The following SERPINA3 variants were observed in gnomAD, a reference collection of about 807,000 sequenced individuals.
SERPINA3 encodes alpha-1-antichymotrypsin.
A neutral mutation model predicts 26.8 loss-of-function variants in SERPINA3; 32 were observed. The observed-to-expected ratio is 1.20, with a 90% CI of 0.90 to 1.61. The LOEUF (loss-of-function observed/expected upper bound fraction) is 1.61. SERPINA3 is among the 40% of genes most tolerant of loss of function. The pLI is 0.00. For missense variants in SERPINA3, 632 were observed against 517.9 expected (o/e 1.22, Z -2.14); for synonymous variants, 252 against 206.4 (o/e 1.22, Z -1.89).
chr14:94,618,823 A>G, intron 2 of SERPINA3: 1 of 374,540 alleles, frequency 2.7e-6, no homozygotes, highest in South Asian at 2.4e-5. Flanking sequence ...ATTGCTAATG[A>G]GACATTTTTC....
chr14:94,620,038 T>C (rs1011637208), intron 3 of SERPINA3: 5 of 250,404 alleles, frequency 2.0e-5, no homozygotes, highest in East Asian at 7.3e-5. Context: ...ATAAGTTACG[T>C]GATATATTAG....
chr14:94,617,380 G>A (rs185178229), intron 2 of SERPINA3, among the ~76,000 whole-genome samples: 24 of 152,260 alleles, frequency 1.6e-4, no homozygotes, highest in African/African-American at 4.3e-4. Flanking sequence ...GCCCAAAGGT[G>A]GGGAAGTGTC....
chr14:94,614,925 G>A lies in SERPINA3; in HGVS notation c.484G>A (p.Gly162Ser), dbSNP rs1432471646. ...CACGGAGGATGCCAAGAGGCTGTAT[G>A]GCTCCGAGGCCTTTGCCACTGACTT... ...RFTEDAKRLY[G>S]SEAFATDFQD... Residue 162 changes from glycine (G) to serine (S), a missense_variant, in exon 2 of 5, where the codon GGC becomes AGC. Transcript: ENST00000393078. 5 of 1,613,698 alleles carry A rather than the reference G, an allele frequency of 3.1e-6. No homozygotes were observed. Among genetic ancestry groups the A allele is most frequent in the Non-Finnish European group, 4.2e-6 (5 of 1,179,568 alleles).
At position 94,623,698 on chromosome 14, in the gene SERPINA3, T is replaced by C. The variant is rs1372095130; in HGVS notation, c.1156T>C (p.Leu386=). The change falls in exon 5 of 5, where the codon TTA becomes CTA. Residue 386 remains leucine (L), a synonymous_variant. Coordinates refer to ENST00000393078, the MANE Select transcript of SERPINA3 (RefSeq NM_001085.5). ...AGTCAAAATCACCCTCCTTTCTGCA[T>C]TAGTGGAGACAAGGACCATTGTGCG... ...TAVKITLLSA[L]VETRTIVRFN... 1 of 1,614,006 alleles carries C rather than the reference T, an allele frequency of 6.2e-7. No individual in the cohort carries two copies. Among genetic ancestry groups the C allele is most frequent in the Non-Finnish European group, 8.5e-7 (1 of 1,179,984 alleles).
In SERPINA3 at chr14:94,614,764, C is replaced by T. The variant is rs375245228; in HGVS notation, c.323C>T (p.Thr108Met). The T allele has an allele frequency of 2.5e-4, 404 of 1,614,074 alleles. No homozygotes were observed. The highest frequency in any genetic ancestry group is 3.2e-4 in the Non-Finnish European group (373 of 1,180,042). The change falls in exon 2 of 5, where the codon ACG (threonine) becomes ATG (methionine). Residue 108 changes from threonine to methionine, a missense_variant. By Grantham distance (81) the Thr-to-Met change is moderately conservative. Coordinates refer to ENST00000393078, the MANE Select transcript of SERPINA3 (RefSeq NM_001085.5). ...EILKGLKFNL[T>M]ETSEAEIHQS... ...CTCAAAGGCCTCAAGTTCAACCTCA[C>T]GGAGACTTCTGAGGCAGAAATTCAC... is the stretch of plus-strand genomic sequence containing the variant.
At position 94,623,842 on chromosome 14, in the gene SERPINA3, A is replaced by T. The variant is rs778993710; in HGVS notation, c.*28A>T. 1 of 1,602,074 alleles carries T rather than the reference A, an allele frequency of 6.2e-7. No individual in the cohort carries two copies. The highest frequency in any genetic ancestry group is 8.5e-7 in the Non-Finnish European group (1 of 1,169,874). ...CTTGCCATCAAGCAGTGGGGCTCTCAGTAAGGAACTTGGAATGCAAGCTGG... is the reference window on the plus strand; with the variant it reads ...CTTGCCATCAAGCAGTGGGGCTCTCTGTAAGGAACTTGGAATGCAAGCTGG... On this transcript the variant is annotated 3_prime_UTR_variant, in exon 5 of 5. Transcript: ENST00000393078.
intron 1 of SERPINA3, 197 bp from the exon 2 acceptor site, chr14:94,614,237 A>G (rs1885891160): frequency 4.9e-6 from 3 of 607,284 alleles, no homozygotes; most frequent in Admixed American, 2.9e-5. Context: ...GGCAACAATT[A>G]TGGTACCTAC....
chr14:94,622,722 C>A, intron 4 of SERPINA3: 1 of 587,876 alleles, frequency 1.7e-6, no homozygotes, highest in Non-Finnish European at 3.1e-6. Flanking sequence ...GGCTTGGAAT[C>A]AGAGAGCCAT....
intron 2 of SERPINA3, 133 bp downstream of exon 2, chr14:94,615,217 G>T: frequency 1.0e-6 from 1 of 993,200 alleles, no homozygotes; most frequent in Non-Finnish European, 1.6e-6. Context: ...TAAGCATCAA[G>T]GCCCCACCCT....
rs748483352 is a variant in SERPINA3, at chr14:94,623,658, A to G, written c.1116A>G (p.Ala372=). 15 of 1,614,060 alleles carry G rather than the reference A, an allele frequency of 9.3e-6. No homozygotes were observed. The highest frequency in any genetic ancestry group is 1.3e-5 in the Non-Finnish European group (15 of 1,180,030). Residue 372 remains alanine (A), a synonymous_variant, in exon 5 of 5, where the codon GCA becomes GCG. Coordinates refer to ENST00000393078, the MANE Select transcript of SERPINA3 (RefSeq NM_001085.5). ...ATGTATTTGAGGAGGGCACAGAAGC[A>G]TCTGCTGCCACAGCAGTCAAAATCA... The part of the protein sequence containing the change: ...VLDVFEEGTE[A]SAATAVKITL...
Position 94,614,490 on chromosome 14 carries a change from T to G in SERPINA3, c.49T>G (p.Phe17Val), listed in dbSNP as rs766215262. The G allele has an allele frequency of 5.8e-5, 94 of 1,613,858 alleles. No homozygotes were observed. The highest frequency in any genetic ancestry group is 7.8e-5 in the Non-Finnish European group (92 of 1,179,958). Reference sequence around the variant, plus strand: ...GGCTCTGGGGCTCTTGGCGGCTGGGTTCTGCCCTGCTGTCCTCTGCCACCC... The same window carrying G: ...GGCTCTGGGGCTCTTGGCGGCTGGGGTCTGCCCTGCTGTCCTCTGCCACCC... ...LLALGLLAAGFCPAVLCHPNS... is the reference protein window; with the variant it reads ...LLALGLLAAGVCPAVLCHPNS... Residue 17 changes from phenylalanine (F) to valine (V), a missense_variant, in exon 2 of 5, where the codon TTC (phenylalanine) becomes GTC (valine). Physicochemically the swap from Phe to Val is conservative, Grantham distance 50. Coordinates refer to ENST00000393078, the MANE Select transcript of SERPINA3 (RefSeq NM_001085.5).
chr14:94,617,408 C>T (rs1480894855), intron 2 of SERPINA3, among the ~76,000 whole-genome samples: 3 of 152,008 alleles, frequency 2.0e-5, no homozygotes, highest in African/African-American at 7.2e-5. Flanking sequence ...AAGATGAGGG[C>T]ACAAGAGAAT....
chr14:94,613,285 G>A (rs1418796377), intron 1 of SERPINA3: 3 of 139,150 alleles, frequency 2.2e-5, no homozygotes, highest in Admixed American at 7.6e-5. Flanking sequence ...CCTTCCAATC[G>A]CCTCTCTTCC....
In SERPINA3 at chr14:94,623,871, C is replaced by T; in HGVS notation, c.*57C>T. 6.7e-7 allele frequency: 1 copy of T among 1,494,894 alleles called. No individual in the cohort carries two copies. The allele number at this position is 1,494,894 out of a possible 1,614,324, so 92.6% of individuals were successfully genotyped here. On this transcript the variant is annotated 3_prime_UTR_variant, in exon 5 of 5. Transcript: ENST00000393078. ...AGGAACTTGGAATGCAAGCTGGATG[C>T]CTGGGTCTCTGGGCACAGCCTGGCC...
rs998482344 is a variant in SERPINA3 at position 94,614,837 on chromosome 14, G to A, written c.396G>A (p.Glu132=). The A allele has an allele frequency of 2.5e-6, 4 of 1,614,082 alleles. No individual in the cohort carries two copies. The African/African-American group carries it at 5.3e-5, about 22-fold the overall frequency. ...LLRTLNQSSD[E]LQLSMGNAMF... ...GCACCCTCAATCAGTCCAGCGATGA[G>A]CTGCAGCTGAGTATGGGAAATGCCA... is the stretch of plus-strand genomic sequence containing the variant. The change falls in exon 2 of 5, where the codon GAG becomes GAA. Residue 132 remains glutamate, a synonymous_variant. Transcript: ENST00000393078.
Position 94,622,473 on chromosome 14 carries a change from G to A in SERPINA3, c.1050G>A (p.Arg350=), listed in dbSNP as rs1230736592. 6.2e-7 allele frequency: 1 copy of A among 1,614,160 alleles called. No individual in the cohort carries two copies. The highest frequency in any genetic ancestry group is 8.5e-7 in the Non-Finnish European group (1 of 1,180,032). Residue 350 remains arginine, a synonymous_variant, in exon 4 of 5, where the codon AGG becomes AGA. Transcript: ENST00000393078. The part of the protein sequence containing the change: ...KADLSGITGA[R]NLAVSQVVHK... ...ACCTGTCAGGGATCACAGGGGCCAG[G>A]AACCTAGCAGTCTCCCAGGTGAGTC...
At chr14:94,615,240 C>T (rs1885949906) in intron 2 of SERPINA3, among the ~76,000 whole-genome samples, 156 bp downstream of exon 2, 1 of 152,202 alleles carries the variant, frequency 6.6e-6, no homozygotes, top group South Asian at 2.1e-4. Context: ...CCATAGGCAT[C>T]GCCGTCTCCT....
At chr14:94,621,319 T>C (rs577009982) in intron 3 of SERPINA3, among the ~76,000 whole-genome samples, 33 of 152,298 alleles carry the variant, frequency 2.2e-4, no homozygotes, top group Non-Finnish European at 4.4e-4. Context: ...ACTTTTGATT[T>C]ACAAAATGCT....
At chr14:94,622,238 GGGGTGACTGTA>G (rs1229832303) in intron 3 of SERPINA3, 92 bp from the exon 4 acceptor site, 1 of 996,388 alleles carries the variant, frequency 1.0e-6, no homozygotes, top group African/African-American at 1.6e-5. Context: ...CAATCAGAAG[GGGGTGACTGTA>G]GAGGAAACCA....
Sources: allele counts gnomAD v4.1 joint callset (sites outside exome capture counted in the v4.1 genomes callset), GRCh38; gene constraint gnomAD v4.1.1; transcripts MANE v1.5; gene names NCBI Gene and HGNC (gene_info 2026-07-23, HGNC 2026-07-21).